Variants in IAPP observed in about 807,000 individuals in gnomAD.
IAPP encodes the protein Islet amyloid polypeptide (diabetes-associated peptide; amylin).
In IAPP, 4 loss-of-function variants were observed where a neutral mutation model predicts 2.9. That is an observed-to-expected ratio of 1.39 (90% confidence interval 0.69 to 3.19). The LOEUF is 3.19. Among genes scored for constraint, IAPP ranks in the 30% most tolerant of loss-of-function variants. The pLI is 0.01. For synonymous variants in IAPP, 40 were observed against 42.1 expected, an observed-to-expected ratio of 0.95 and a Z score of 0.19; for missense variants, 114 against 105.3, an observed-to-expected ratio of 1.08 and a Z score of -0.36.
chr12:21,375,730 A>C (rs1348482387), intron 2 of IAPP, among the ~76,000 whole-genome samples: 1 of 152,068 alleles, frequency 6.6e-6, no homozygotes, highest in East Asian at 1.9e-4. Flanking sequence ...CATTTTGAAA[A>C]CTCTGGAGAG....
chr12:21,360,838 G>A (rs1379756748), intron 1 of IAPP, among the ~76,000 whole-genome samples: 2 of 152,228 alleles, frequency 1.3e-5, no homozygotes, highest in Non-Finnish European at 2.9e-5. Flanking sequence ...AAGGCTGGGG[G>A]AGGGGCGTCC....
In IAPP at chr12:21,378,378, T is replaced by G. The variant is rs774123108; in HGVS notation, c.222T>G (p.Asn74Lys). The G allele has an allele frequency of 6.2e-7, 1 of 1,614,188 alleles. No individual in the cohort carries two copies. Among genetic ancestry groups the G allele is most frequent in the Non-Finnish European group, 8.5e-7 (1 of 1,179,984 alleles). Residue 74 changes from asparagine (N) to lysine (K), a missense_variant, in exon 3 of 3, where the codon AAT becomes AAG. Asn to Lys is a moderately conservative substitution (Grantham distance 94, BLOSUM62 0). Coordinates refer to ENST00000240652, the MANE Select transcript of IAPP (RefSeq NM_000415.3). ...NVGSNTYGKRNAVEVLKREPL... is the reference protein window; with the variant it reads ...NVGSNTYGKRKAVEVLKREPL... ...GATCCAATACATATGGCAAGAGGAA[T>G]GCAGTAGAGGTTTTAAAGAGAGAGC...
intron 1 of IAPP, among the ~76,000 whole-genome samples, chr12:21,362,746 A>T (rs1174869378): frequency 6.6e-6 from 1 of 152,228 alleles, no homozygotes; most frequent in Admixed American, 6.5e-5. Context: ...CAGGGTTGCA[A>T]TCCTAGTCTC....
intron 1 of IAPP, among the ~76,000 whole-genome samples, chr12:21,360,373 A>G (rs1938740937): frequency 6.6e-6 from 1 of 152,256 alleles, no homozygotes; most frequent in African/African-American, 2.4e-5. Context: ...TAAATGGGCC[A>G]ATAAGGATCA....
At position 21,373,419 on chromosome 12, in the gene IAPP, C is replaced by A; in HGVS notation, c.68C>A (p.Thr23Lys). ...LSVALNHLKA[T>K]PIESHQVEKR... ...GTTGCATTGAACCATCTGAAAGCTACACCCATTGAAAGGTTGGTAACTTTA... is the reference window on the plus strand; with the variant it reads ...GTTGCATTGAACCATCTGAAAGCTAAACCCATTGAAAGGTTGGTAACTTTA... The change falls in exon 2 of 3, where the codon ACA becomes AAA. Residue 23 changes from threonine to lysine, a missense_variant. By Grantham distance (78) the Thr-to-Lys change is moderately conservative (BLOSUM62 -1). Transcript: ENST00000240652. 6.2e-7 allele frequency: 1 copy of A among 1,611,700 alleles called. No individual in the cohort carries two copies. The highest frequency in any genetic ancestry group is 1.3e-5 in the African/African-American group (1 of 75,002).
In IAPP at chr12:21,378,595, C is replaced by A; in HGVS notation, c.*169C>A. 1 of 545,770 alleles carries A rather than the reference C, an allele frequency of 1.8e-6. No homozygotes were observed. Among genetic ancestry groups the A allele is most frequent in the Non-Finnish European group, 3.2e-6 (1 of 308,994 alleles). The allele number at this position is 545,770 out of a possible 1,614,324, so 33.8% of individuals were successfully genotyped here. A position where few individuals can be genotyped will look rare whatever the true frequency, so the allele number is the denominator to read the frequency against. On this transcript the variant is annotated 3_prime_UTR_variant, in exon 3 of 3. Transcript: ENST00000240652. ...TTTTATATGTAGTACTAACTAAGGT[C>A]CCATAATAAAAAGATAGTATCTTTT...
intron 1 of IAPP, among the ~76,000 whole-genome samples, chr12:21,359,291 A>G (rs1362514955): frequency 3.3e-5 from 5 of 152,212 alleles, no homozygotes; most frequent in African/African-American, 1.2e-4. Context: ...GTGGAAACCA[A>G]TCACCATAAA....
At chr12:21,365,743 T>A (rs1034061199) in intron 1 of IAPP, among the ~76,000 whole-genome samples, 2 of 152,088 alleles carry the variant, frequency 1.3e-5, no homozygotes, top group Non-Finnish European at 2.9e-5. Flanking sequence ...GTGAAGGATA[T>A]GAACAGACAC....
upstream of IAPP, among the ~76,000 whole-genome samples, chr12:21,368,635 G>T (rs1488468179): frequency 1.3e-5 from 2 of 152,072 alleles, no homozygotes; most frequent in African/African-American, 4.8e-5. Flanking sequence ...AAAATTATGT[G>T]ATCTCTAGGA....
At chr12:21,360,430 G>T (rs1938746493) in intron 1 of IAPP, among the ~76,000 whole-genome samples, 1 of 152,184 alleles carries the variant, frequency 6.6e-6, no homozygotes, top group South Asian at 2.1e-4. Context: ...ACATCAGAGG[G>T]TGGCACCAAG....
chr12:21,356,159 T>C (rs1467765428), intron 1 of IAPP, among the ~76,000 whole-genome samples: 1 of 152,066 alleles, frequency 6.6e-6, no homozygotes, highest in Non-Finnish European at 1.5e-5. Context: ...GTTACTACCG[T>C]CTCTGTACCT....
chr12:21,356,569 A>G (rs1938384954), intron 1 of IAPP, among the ~76,000 whole-genome samples: 1 of 152,114 alleles, frequency 6.6e-6, no homozygotes, highest in African/African-American at 2.4e-5. Flanking sequence ...TAACATTCAG[A>G]GCTTTTGAAA....
At chr12:21,362,773 A>C (rs1939025006) in intron 1 of IAPP, among the ~76,000 whole-genome samples, 1 of 152,230 alleles carries the variant, frequency 6.6e-6, no homozygotes, top group Non-Finnish European at 1.5e-5. Flanking sequence ...AACAGACTTT[A>C]AACCAATAAA....
At chr12:21,365,458 A>T (rs1213439727) in intron 1 of IAPP, among the ~76,000 whole-genome samples, 1 of 152,228 alleles carries the variant, frequency 6.6e-6, no homozygotes, top group Admixed American at 6.5e-5. Context: ...AAGAAAACCT[A>T]GGCCATACCA....
At chr12:21,358,399 C>T (rs552787679) in intron 1 of IAPP, among the ~76,000 whole-genome samples, 94 of 152,212 alleles carry the variant, frequency 6.2e-4, no homozygotes, top group African/African-American at 2.2e-3. Flanking sequence ...AAAAATGTTT[C>T]GAGCAATACT....
chr12:21,376,948 G>C (rs34996992), intron 2 of IAPP, among the ~76,000 whole-genome samples: 29,956 of 152,024 alleles, frequency 0.2, 3,143 homozygotes, highest in African/African-American at 0.27. Context: ...CAAAGAGGAA[G>C]CAATGTTATT....
At chr12:21,360,799 A>C (rs1938792612) in intron 1 of IAPP, among the ~76,000 whole-genome samples, 1 of 152,198 alleles carries the variant, frequency 6.6e-6, no homozygotes, top group Non-Finnish European at 1.5e-5. Context: ...CTAGCACAGC[A>C]GTCTGAGATG....
chr12:21,373,502 CAAAT>C, intron 2 of IAPP, 71 bp downstream of exon 2: 1 of 971,110 alleles, frequency 1.0e-6, no homozygotes. Context: ...TAAATACTGT[CAAAT>C]AACTACAGCC....
At chr12:21,372,386 T>C (rs1421678574), upstream of IAPP, among the ~76,000 whole-genome samples, 1 of 152,190 alleles carries the variant, frequency 6.6e-6, no homozygotes. Context: ...AGGTCTTCCA[T>C]TACTCTTATG....
Sources: allele counts gnomAD v4.1 joint callset (sites outside exome capture counted in the v4.1 genomes callset), GRCh38; gene constraint gnomAD v4.1.1; transcripts MANE v1.5; gene names NCBI Gene and HGNC (gene_info 2026-07-23, HGNC 2026-07-21).